The following SREBF1 variants were observed in gnomAD, a reference collection of about 807,000 sequenced individuals.
SREBF1 encodes the protein sterol regulatory element-binding protein 1.
In SREBF1, 45 loss-of-function variants were observed where a neutral mutation model predicts 100.1. The observed-to-expected ratio is 0.45, with a 90% CI of 0.35 to 0.58. The LOEUF (loss-of-function observed/expected upper bound fraction) is 0.58, where lower values mean the gene tolerates loss of function less well. SREBF1 is among the 20% of genes least tolerant of loss of function. The pLI, the probability that SREBF1 is intolerant of heterozygous loss-of-function variation, is 0.00. For missense variants in SREBF1, 1,324 were observed against 1,539.4 expected (o/e 0.86, Z 2.34); for synonymous variants, 657 against 681.8 (o/e 0.96, Z 0.57).
chr17:17,818,456 G>T lies in SREBF1; in HGVS notation c.1069-82C>A, dbSNP rs539132684. The T allele has an allele frequency of 1.5e-5, 15 of 972,914 alleles. No homozygotes were observed. In the East Asian group the frequency reaches 3.4e-4, roughly 22 times the overall value. The allele number at this position is 972,914 out of a possible 1,614,324, so 60.3% of individuals were successfully genotyped here. ...TGGGGTTGGAGAGCCCTAGCAAGGG[G>T]GTGCGGAGCTGCTTTGCAACATTAC... On this transcript the variant is annotated intron_variant, in intron 5 of 18. Transcript: ENST00000261646.
In SREBF1 at chr17:17,814,731, G is replaced by A; in HGVS notation, c.2619C>T (p.Ala873=). The change falls in exon 15 of 19, where the codon GCC becomes GCT. Residue 873 remains alanine, a synonymous_variant. Coordinates refer to ENST00000261646, the MANE Select transcript of SREBF1 (RefSeq NM_004176.5). ...CAGCTGTCAGAGAGGCCCACCACTTGGCCACCGGGTCTACGCCTGCAGAAG... is the reference window on the plus strand; with the variant it reads ...CAGCTGTCAGAGAGGCCCACCACTTAGCCACCGGGTCTACGCCTGCAGAAG... The part of the protein sequence containing the change: ...MATTTGVDPV[A]KWWASLTAVV... 7.5e-6 allele frequency: 12 copies of A among 1,610,336 alleles called. No homozygotes were observed. The highest frequency in any genetic ancestry group is 1.0e-5 in the Non-Finnish European group (12 of 1,179,270).
Position 17,817,008 on chromosome 17 carries a change from C to T in SREBF1, c.1735G>A (p.Ala579Thr), listed in dbSNP as rs766878437. The change falls in exon 9 of 19, where the codon GCC (alanine) becomes ACC (threonine). Residue 579 changes from alanine (A) to threonine (T), a missense_variant. Transcript: ENST00000261646. This position sits in a 1 kb window ranked among gnomAD's most constrained non-coding sequence, Gnocchi z 6.6. ...EPVTRPHSGP[A>T]VYFWRHRKQA... Reference sequence around the variant, plus strand: ...TTGCGATGCCTCCAGAAGTACACGGCGGGGCCTGAGTGGGGCCGTGTGACT... The same window carrying T: ...TTGCGATGCCTCCAGAAGTACACGGTGGGGCCTGAGTGGGGCCGTGTGACT... 1.1e-5 allele frequency: 17 copies of T among 1,612,948 alleles called. No individual in the cohort carries two copies. The highest frequency in any genetic ancestry group is 1.3e-5 in the African/African-American group (1 of 74,932).
At position 17,819,429 on chromosome 17, in the gene SREBF1, T is replaced by C; in HGVS notation, c.737A>G (p.Lys246Arg). ...GGCTGTCAGAAGCAGCGAGTCTGCC[T>C]TGATGAAGTGGGGCTGCAGCAGGAC... is the stretch of plus-strand genomic sequence containing the variant. The part of the protein sequence containing the change: ...VPVLLQPHFI[K>R]ADSLLLTAMK... The change falls in exon 4 of 19, where the codon AAG becomes AGG. Residue 246 changes from lysine (K) to arginine (R), a missense_variant. Transcript: ENST00000261646. 1 of 1,613,850 alleles carries C rather than the reference T, an allele frequency of 6.2e-7. No homozygotes were observed. The highest frequency in any genetic ancestry group is 8.5e-7 in the Non-Finnish European group (1 of 1,180,038).
intron 1 of SREBF1, among the ~76,000 whole-genome samples, chr17:17,832,769 A>T (rs1163381246): frequency 6.6e-6 from 1 of 151,812 alleles, no homozygotes. Flanking sequence ...AAATACAAAA[A>T]ATTAGCCAGG....
rs1006987566 is a variant in SREBF1, at chr17:17,812,462, T to G, written c.*160A>C. 4 of 756,212 alleles carry G rather than the reference T, an allele frequency of 5.3e-6. No individual in the cohort carries two copies. The highest frequency in any genetic ancestry group is 8.5e-6 in the Non-Finnish European group (4 of 471,676). 46.8% of individuals were successfully genotyped at this position (756,212 alleles called of 1,614,324 possible). A position where few individuals can be genotyped will look rare whatever the true frequency, so the allele number is the denominator to read the frequency against. On this transcript the variant is annotated 3_prime_UTR_variant, in exon 19 of 19. Coordinates refer to ENST00000261646, the MANE Select transcript of SREBF1 (RefSeq NM_004176.5). ...GGTCTTAGGGTCAAGATCGCGCCCC[T>G]CGGGCCTTCCACCGCGAAGGCACAC...
chr17:17,833,450 A>AAATATATAT (rs1567995797), intron 1 of SREBF1, among the ~76,000 whole-genome samples: 1 of 47,520 alleles, frequency 2.1e-5, no homozygotes, highest in African/African-American at 9.3e-5. Flanking sequence ...AAAAAAAAAA[A>AAATATATAT]ATATATATAT....
chr17:17,820,900 C>T (rs562637400), intron 1 of SREBF1: 64 of 333,298 alleles, frequency 1.9e-4, no homozygotes, highest in Admixed American at 3.0e-4. Flanking sequence ...CATCTAGAAA[C>T]ATCCTTAGTC....
At position 17,812,238 on chromosome 17, in the gene SREBF1, T is replaced by C; in HGVS notation, c.*384A>G. 1.2e-5 allele frequency: 5 copies of C among 400,890 alleles called. No homozygotes were observed. The highest frequency in any genetic ancestry group is 1.1e-4 in the South Asian group (5 of 44,040). 24.8% of individuals were successfully genotyped at this position (400,890 alleles called of 1,614,324 possible). A position where few individuals can be genotyped will look rare whatever the true frequency, so the allele number is the denominator to read the frequency against. On this transcript the variant is annotated 3_prime_UTR_variant, in exon 19 of 19. Transcript: ENST00000261646. ...CTCCCACGACGGAGAGAGAGGCCTC[T>C]GGGGCAGAGCCCTGCTTGCAGTCCG...
intron 1 of SREBF1, 82 bp downstream of exon 1, chr17:17,836,645 G>T (rs2035257976): frequency 1.4e-6 from 2 of 1,383,130 alleles, no homozygotes; most frequent in African/African-American, 1.4e-5. Context: ...GCCCGTGGGG[G>T]AGACAAAGGC....
intron 1 of SREBF1, among the ~76,000 whole-genome samples, chr17:17,833,300 T>C (rs909495209): frequency 1.3e-5 from 2 of 150,228 alleles, no homozygotes. Flanking sequence ...GGCAGGTGCC[T>C]GTAATCCCAG....
intron 1 of SREBF1, 186 bp from the exon 2 acceptor site, chr17:17,820,707 C>A: frequency 1.5e-6 from 1 of 688,528 alleles, no homozygotes. Flanking sequence ...AGCCATTTTG[C>A]GAGCACCTGT....
At position 17,812,745 on chromosome 17, in the gene SREBF1, C is replaced by A; in HGVS notation, c.3321G>T (p.Gln1107His). 1.9e-6 allele frequency: 3 copies of A among 1,555,370 alleles called. No homozygotes were observed. The highest frequency in any genetic ancestry group is 2.6e-6 in the Non-Finnish European group (3 of 1,150,316). ...CCGCCTCAGCCAGCATGCCCACGCG[C>A]TGCCCGGGCGCCGACAGGAAGCCGG... The part of the protein sequence containing the change: ...LPPGFLSAPG[Q>H]RVGMLAEAAR... The change falls in exon 19 of 19, where the codon CAG (glutamine) becomes CAT (histidine). Residue 1107 changes from glutamine to histidine, a missense_variant. Coordinates refer to ENST00000261646, the MANE Select transcript of SREBF1 (RefSeq NM_004176.5).
At chr17:17,813,987 A>T in intron 16 of SREBF1, 1 of 663,956 alleles carries the variant, frequency 1.5e-6, no homozygotes, top group Non-Finnish European at 2.6e-6. Flanking sequence ...AGCCCTCCTG[A>T]TGCAGGGCCT....
chr17:17,817,529 G>A lies in SREBF1; in HGVS notation c.1405-72C>T, dbSNP rs760575569. 5 of 1,539,266 alleles carry A rather than the reference G, an allele frequency of 3.2e-6. No homozygotes were observed. The highest frequency in any genetic ancestry group is 2.4e-5 in the East Asian group (1 of 41,156). ...AGAGAGCATGGGGCTGGGAAGGGGG[G>A]GGTCAGGATTCTGCCCACCTTACTG... On this transcript the variant is annotated intron_variant, in intron 7 of 18. Transcript: ENST00000261646. The surrounding 1 kb of genome is among the most constrained non-coding windows in gnomAD (Gnocchi z 6.6).
In SREBF1 at chr17:17,818,264, T is replaced by G. The variant is rs200639307; in HGVS notation, c.1179A>C (p.Lys393Asn). The G allele has an allele frequency of 4.3e-6, 7 of 1,612,952 alleles. No homozygotes were observed. In the Admixed American group the frequency reaches 6.7e-5, roughly 15 times the overall value. ...CTCAATAAAGCCAGGACTCACTGCT[T>G]TTGTGGACAGCAGTGCGCAGACTTA... ...ENLSLRTAVH[K>N]SKSLKDLVSA... The change falls in exon 6 of 19, where the codon AAA (lysine) becomes AAC (asparagine). Residue 393 changes from lysine (K) to asparagine (N), a missense_variant. Transcript: ENST00000261646.
intron 1 of SREBF1, among the ~76,000 whole-genome samples, chr17:17,827,204 G>A (rs891825726): frequency 6.6e-6 from 1 of 152,196 alleles, no homozygotes; most frequent in African/African-American, 2.4e-5. Context: ...CCAAGGAGCT[G>A]GGATTCCAAC....
In SREBF1 at chr17:17,836,774, A is replaced by G; in HGVS notation, c.44T>C (p.Leu15Pro). ...PFSEAALEQA[L>P]GEPCDLDAAL... ...CGCGTCCAGATCGCACGGCTCGCCCAGCGCCTGCTCCAAAGCCGCCTCGCT... is the reference window on the plus strand; with the variant it reads ...CGCGTCCAGATCGCACGGCTCGCCCGGCGCCTGCTCCAAAGCCGCCTCGCT... The change falls in exon 1 of 19, where the codon CTG becomes CCG. Residue 15 changes from leucine (L) to proline (P), a missense_variant. Coordinates refer to ENST00000261646, the MANE Select transcript of SREBF1 (RefSeq NM_004176.5). The G allele has an allele frequency of 6.4e-7, 1 of 1,568,006 alleles. No individual in the cohort carries two copies. Among genetic ancestry groups the G allele is most frequent in the Middle Eastern group, 1.7e-4 (1 of 6,016 alleles).
chr17:17,822,785 G>T (rs974625333), intron 1 of SREBF1, among the ~76,000 whole-genome samples: 14 of 152,218 alleles, frequency 9.2e-5, no homozygotes, highest in African/African-American at 2.7e-4. Context: ...GCTGCCCGAG[G>T]CTTTGCTTGG....
At chr17:17,813,919 C>T (rs1029604939) in intron 16 of SREBF1, 150 bp from the exon 17 acceptor site, 4 of 847,348 alleles carry the variant, frequency 4.7e-6, no homozygotes, top group Admixed American at 5.0e-5. Context: ...CAATGCACCG[C>T]GGGGCCGCCC....
Sources: gnomAD v4.1 joint callset for allele counts (sites outside exome capture counted in the v4.1 genomes callset) on GRCh38, gnomAD v4.1.1 for gene constraint, Gnocchi (gnomAD v3.1) non-coding constraint, MANE v1.5 for transcripts, NCBI Gene and HGNC (gene_info 2026-07-23, HGNC 2026-07-21) for gene names.